GNAS: variants seen among roughly 807,000 people sequenced by gnomAD.
GNAS encodes protein ALEX.
GNAS carries 8 observed loss-of-function variants against 54.5 expected under a neutral mutation model. The ratio of observed to expected loss-of-function variants is 0.15; its 90% CI spans 0.09 to 0.26. The LOEUF is 0.26. Among genes scored for constraint, GNAS ranks in the 10% least tolerant of loss-of-function variants. GNAS has a pLI of 1.00. For synonymous variants in GNAS, 204 were observed against 191.4 expected (o/e 1.07, Z -0.54); for missense variants, 170 against 529.8 (o/e 0.32, Z 6.67).
intron 1 of GNAS, among the ~76,000 whole-genome samples, chr20:58,874,329 G>A (rs2087651467): frequency 6.6e-6 from 1 of 152,190 alleles, no homozygotes; most frequent in Admixed American, 6.5e-5. Context: ...CTTTCATTGT[G>A]CACTCTCTGG....
rs145150155 is a variant in GNAS, at chr20:58,845,508, A to G, written c.43+4622A>G. 2.4e-3 allele frequency among the ~76,000 whole-genome samples: 371 copies of G among 152,336 alleles called. 1 individual carries two copies. The highest frequency in any genetic ancestry group is 6.2e-3 in the South Asian group (30 of 4,822). ...CCAAAACCAGTTTTGCCTCCATCAT[A>G]CATGCATGGGATAAACAAAGCAAGC... is the stretch of plus-strand genomic sequence containing the variant. On this transcript the variant is annotated intron_variant, in intron 1 of 12. Transcript: ENST00000306090.
Position 58,841,443 on chromosome 20 carries a change from G to A in GNAS, c.43+557G>A, listed in dbSNP as rs1430363963. ...TGACCACCCGGGAGGGAAGTCACGC[G>A]CGCGCGGCGCCTAAGCAGCTCAGAG... is the stretch of plus-strand genomic sequence containing the variant. On this transcript the variant is annotated intron_variant, in intron 1 of 12. Transcript: ENST00000306090. The surrounding 1 kb of genome is among the most constrained non-coding windows in gnomAD (Gnocchi z 5.0). 3.0e-6 allele frequency: 3 copies of A among 993,064 alleles called. No individual in the cohort carries two copies. The African/African-American group carries it at 5.2e-5, about 17-fold the overall frequency. The allele number at this position is 993,064 out of a possible 1,614,324, so 61.5% of individuals were successfully genotyped here.
chr20:58,891,939 GCCCGCCC>G (rs1040959282), intron 1 of GNAS, 74 bp downstream of exon 1: 3 of 890,776 alleles, frequency 3.4e-6, no homozygotes, highest in Non-Finnish European at 4.0e-6. Context: ...CGCGCGCCGA[GCCCGCCC>G]CCCGCCCCGG....
upstream of GNAS, among the ~76,000 whole-genome samples, chr20:58,890,417 T>C (rs1390549138): frequency 1.3e-5 from 2 of 149,086 alleles, no homozygotes; most frequent in East Asian, 4.2e-4. Context: ...CGCCGCGCGT[T>C]GGGGGCATCG....
intron 1 of GNAS, among the ~76,000 whole-genome samples, chr20:58,874,940 T>C (rs2087709970): frequency 6.6e-6 from 1 of 152,262 alleles, no homozygotes; most frequent in Non-Finnish European, 1.5e-5. Flanking sequence ...CAAATACTTT[T>C]AAATTATCTA....
At chr20:58,887,343 A>G (rs1300898243), upstream of GNAS, among the ~76,000 whole-genome samples, 1 of 152,228 alleles carries the variant, frequency 6.6e-6, no homozygotes, top group Non-Finnish European at 1.5e-5. Flanking sequence ...GTCTTTAACA[A>G]TTTTTAAAAA....
At chr20:58,878,431 T>G (rs1305687192) in intron 1 of GNAS, among the ~76,000 whole-genome samples, 2 of 152,186 alleles carry the variant, frequency 1.3e-5, no homozygotes, top group Non-Finnish European at 1.5e-5. Context: ...TTGCAGTAGG[T>G]GAATTACGGA....
At chr20:58,888,947 C>T (rs2088810661), upstream of GNAS, 1 of 359,608 alleles carries the variant, frequency 2.8e-6, no homozygotes, top group Non-Finnish European at 3.9e-6. Flanking sequence ...GCCTTGGGCG[C>T]GCCCGCGCCC....
chr20:58,892,574 GCGA>G (rs2089556654), intron 1 of GNAS: 1 of 147,318 alleles, frequency 6.8e-6, no homozygotes, highest in Admixed American at 6.7e-5. Context: ...GAGGGGGGCG[GCGA>G]GGGGAGGAGG....
intron 1 of GNAS, 118 bp downstream of exon 1, chr20:58,891,983 T>C: frequency 1.3e-6 from 1 of 740,824 alleles, no homozygotes; most frequent in Non-Finnish European, 1.6e-6. Flanking sequence ...CCCCCGCCCG[T>C]TCGCGGGCTC....
At chr20:58,906,176 C>T (rs186822849) in intron 6 of GNAS, among the ~76,000 whole-genome samples, 82 of 152,274 alleles carry the variant, frequency 5.4e-4, no homozygotes, top group African/African-American at 1.7e-3. Flanking sequence ...TTACTACCTG[C>T]GAGGAGGACA....
intron 1 of GNAS, among the ~76,000 whole-genome samples, chr20:58,847,781 C>T (rs969563940): frequency 6.6e-6 from 1 of 152,200 alleles, no homozygotes; most frequent in African/African-American, 2.4e-5. Context: ...ACTTTGCCTT[C>T]TCTTTGTTGG....
At chr20:58,892,805 T>G (rs895236863) in intron 1 of GNAS, among the ~76,000 whole-genome samples, 7 of 151,724 alleles carry the variant, frequency 4.6e-5, no homozygotes, top group African/African-American at 1.7e-4. Context: ...CAGTGTGACC[T>G]TTTTTTCCCC....
At position 58,891,680 on chromosome 20, in the gene GNAS, CCG is replaced by C. The variant is rs2089355958; in HGVS notation, c.-45_-44del. The C allele has an allele frequency of 1.0e-6, 1 of 968,466 alleles. No homozygotes were observed. The highest frequency in any genetic ancestry group is 1.2e-6 in the Non-Finnish European group (1 of 820,058). 60.0% of individuals were successfully genotyped at this position (968,466 alleles called of 1,614,324 possible). A position where few individuals can be genotyped will look rare whatever the true frequency, so the allele number is the denominator to read the frequency against. On this transcript the variant is annotated 5_prime_UTR_variant, in exon 1 of 13. Transcript: ENST00000371085. ...CCGGCCCGCGTGAGGCCGCCCGCGC[CCG>C]CCGCCGCCGCAGCCCGGCCGCGCCC...
chr20:58,900,365 G>C, intron 3 of GNAS: 1 of 230,764 alleles, frequency 4.3e-6, no homozygotes, highest in Non-Finnish European at 8.5e-6. Flanking sequence ...GTCAATATAA[G>C]TATTAACATT....
intron 5 of GNAS, 99 bp from the exon 6 acceptor site, chr20:58,905,284 C>T (rs1206549415): frequency 7.8e-6 from 6 of 766,484 alleles, no homozygotes; most frequent in East Asian, 2.5e-5. Context: ...CACCAAGTGT[C>T]GGTCACATAG....
At chr20:58,855,400 T>A (rs2086433847) in intron 1 of GNAS, 1 of 1,382,306 alleles carries the variant, frequency 7.2e-7, no homozygotes, top group African/African-American at 1.4e-5. Flanking sequence ...GTGGCAGGGC[T>A]GCCTGGTGGG....
chr20:58,850,363 T>C (rs2086109634), intron 1 of GNAS, among the ~76,000 whole-genome samples: 1 of 152,164 alleles, frequency 6.6e-6, no homozygotes. Context: ...TCAGAAAGAA[T>C]GAACAAAGGG....
At chr20:58,902,155 GA>G (rs2090672491) in intron 3 of GNAS, among the ~76,000 whole-genome samples, 1 of 151,812 alleles carries the variant, frequency 6.6e-6, no homozygotes, top group African/African-American at 2.4e-5. Context: ...CCCTGTCAGA[GA>G]GGCAGGACCG....
Sources: gnomAD v4.1 joint callset for allele counts (sites outside exome capture counted in the v4.1 genomes callset) on GRCh38, gnomAD v4.1.1 for gene constraint, Gnocchi (gnomAD v3.1) non-coding constraint, MANE v1.5 for transcripts, NCBI Gene and HGNC (gene_info 2026-07-23, HGNC 2026-07-21) for gene names.